The following DPYSL3 variants were observed in gnomAD, a reference collection of about 807,000 sequenced individuals.
DPYSL3 encodes dihydropyrimidinase-related protein 3.
DPYSL3 carries 16 observed loss-of-function variants against 66.1 expected under a neutral mutation model. The observed-to-expected ratio is 0.24, with a 90% confidence interval of 0.16 to 0.37. The LOEUF (loss-of-function observed/expected upper bound fraction) is 0.37, where lower values mean the gene tolerates loss of function less well. Ranked by LOEUF, DPYSL3 falls within the 10% of genes least tolerant of loss-of-function variation. The pLI is 1.00. For synonymous variants in DPYSL3, 338 were observed against 345.1 expected (o/e 0.98, Z 0.23); for missense variants, 738 against 916.2 (o/e 0.81, Z 2.51).
intron 1 of DPYSL3, among the ~76,000 whole-genome samples, chr5:147,502,831 C>T (rs1406783859): frequency 6.6e-6 from 1 of 152,168 alleles, no homozygotes; most frequent in Admixed American, 6.5e-5. Context: ...CCGCCTTGCC[C>T]TCCCAAAGTG....
chr5:147,469,266 C>T (rs1430330891), intron 1 of DPYSL3, among the ~76,000 whole-genome samples: 1 of 152,230 alleles, frequency 6.6e-6, no homozygotes, highest in African/African-American at 2.4e-5. Context: ...CCTTGCTTTC[C>T]TCTCTACTTG....
At chr5:147,421,744 A>T (rs191458006) in intron 2 of DPYSL3, among the ~76,000 whole-genome samples, 1 of 152,196 alleles carries the variant, frequency 6.6e-6, no homozygotes, top group Non-Finnish European at 1.5e-5. Flanking sequence ...AACCCGACAA[A>T]AGTAAGCAAC....
chr5:147,446,339 C>T (rs756973044), intron 1 of DPYSL3, among the ~76,000 whole-genome samples: 2 of 152,182 alleles, frequency 1.3e-5, no homozygotes, highest in African/African-American at 2.4e-5. Context: ...TTCCTTATTC[C>T]GCATCCAAGA....
intron 6 of DPYSL3, among the ~76,000 whole-genome samples, chr5:147,410,520 T>G (rs1420113822): frequency 6.6e-6 from 1 of 152,134 alleles, no homozygotes; most frequent in East Asian, 1.9e-4. Context: ...CAGCTACAGT[T>G]ACATCACAGT....
intron 1 of DPYSL3, among the ~76,000 whole-genome samples, chr5:147,440,903 C>T (rs1268068431): frequency 6.6e-6 from 1 of 152,088 alleles, no homozygotes; most frequent in Non-Finnish European, 1.5e-5. Context: ...TTAGTTCTGC[C>T]AGTTAGTTAA....
chr5:147,503,014 C>T (rs971179719), intron 1 of DPYSL3, among the ~76,000 whole-genome samples: 1 of 152,200 alleles, frequency 6.6e-6, no homozygotes, highest in African/African-American at 2.4e-5. Flanking sequence ...CTAACCAGCA[C>T]CTGGTCTGTA....
intron 1 of DPYSL3, among the ~76,000 whole-genome samples, chr5:147,507,656 T>C (rs1753701480): frequency 6.6e-6 from 1 of 152,156 alleles, no homozygotes; most frequent in Non-Finnish European, 1.5e-5. Flanking sequence ...GATAATAACA[T>C]GGCCTGGATG....
In DPYSL3 at chr5:147,412,523, T is replaced by C. The variant is rs77539069; in HGVS notation, c.963+85A>G. 5,427 of 1,354,364 alleles carry C rather than the reference T, an allele frequency of 4.0e-3. 171 individuals carry two copies. The African/African-American group carries it at 0.069, about 17-fold the overall frequency. The allele number at this position is 1,354,364 out of a possible 1,614,324, so 83.9% of individuals were successfully genotyped here. A position where few individuals can be genotyped will look rare whatever the true frequency, so the allele number is the denominator to read the frequency against. On this transcript the variant is annotated intron_variant, in intron 6 of 13. Coordinates refer to ENST00000343218, the MANE Select transcript of DPYSL3 (RefSeq NM_001197294.2). ...TACTTATGATGGTGCCTTGCACATATTGAGAGCTCAAGCAGCACTGAAGAA... is the reference window on the plus strand; with the variant it reads ...TACTTATGATGGTGCCTTGCACATACTGAGAGCTCAAGCAGCACTGAAGAA...
chr5:147,467,778 A>G (rs1323065404), intron 1 of DPYSL3, among the ~76,000 whole-genome samples: 1 of 152,208 alleles, frequency 6.6e-6, no homozygotes, highest in Non-Finnish European at 1.5e-5. Flanking sequence ...AAAATATCTT[A>G]GACTGCGTAA....
chr5:147,460,895 G>A (rs889010401), intron 1 of DPYSL3, among the ~76,000 whole-genome samples: 2 of 152,182 alleles, frequency 1.3e-5, no homozygotes, highest in Non-Finnish European at 1.5e-5. Context: ...TCCCACACAA[G>A]TACCAATAGG....
At chr5:147,466,975 C>A (rs543274383) in intron 1 of DPYSL3, among the ~76,000 whole-genome samples, 42 of 152,214 alleles carry the variant, frequency 2.8e-4, no homozygotes, top group African/African-American at 9.9e-4. Context: ...GGAGTGTCAA[C>A]AAATGAGTAC....
chr5:147,453,354 C>T (rs1752774285), intron 1 of DPYSL3, among the ~76,000 whole-genome samples: 1 of 152,146 alleles, frequency 6.6e-6, no homozygotes, highest in Non-Finnish European at 1.5e-5. Flanking sequence ...GTTTTGTTTT[C>T]CCCAAACCCC....
intron 1 of DPYSL3, chr5:147,472,909 A>T (rs534263709): frequency 1.3e-5 from 2 of 152,172 alleles, no homozygotes; most frequent in African/African-American, 4.8e-5. Context: ...AATGAAATGC[A>T]TCTGAAGCTC....
chr5:147,465,780 T>C (rs1360025633), intron 1 of DPYSL3, among the ~76,000 whole-genome samples: 1 of 152,230 alleles, frequency 6.6e-6, no homozygotes, highest in African/African-American at 2.4e-5. Context: ...GTTATCCCAG[T>C]ATCATGCCTG....
chr5:147,486,359 T>C (rs1753329012), intron 1 of DPYSL3, among the ~76,000 whole-genome samples: 2 of 152,226 alleles, frequency 1.3e-5, no homozygotes, highest in Admixed American at 6.5e-5. Context: ...TGGCATATAA[T>C]AAATGCTCAA....
Position 147,492,081 on chromosome 5 carries a change from A to G in DPYSL3, c.381+17397T>C, listed in dbSNP as rs549222001. 1.2e-4 allele frequency among the ~76,000 whole-genome samples: 19 copies of G among 152,278 alleles called. 1 individual carries two copies. In the South Asian group the frequency reaches 3.7e-3, roughly 30 times the overall value. On this transcript the variant is annotated intron_variant, in intron 1 of 13. Coordinates refer to ENST00000343218, the MANE Select transcript of DPYSL3 (RefSeq NM_001197294.2). ...GAAATACCTTCCCTATAGCAAAGCA[A>G]ACATGAAAATTTCATTCAACTTGTC...
intron 1 of DPYSL3, among the ~76,000 whole-genome samples, chr5:147,478,714 AG>A (rs768016589): frequency 7.2e-5 from 11 of 152,138 alleles, no homozygotes; most frequent in Non-Finnish European, 1.6e-4. Flanking sequence ...ATATTTTGCC[AG>A]GCTATCTCAA....
In DPYSL3 at chr5:147,473,428, C is replaced by T. The variant is rs1753112206; in HGVS notation, c.381+36050G>A. The T allele has an allele frequency of 2.0e-5, 3 of 152,210 alleles. No individual in the cohort carries two copies. The South Asian group carries it at 6.2e-4, about 32-fold the overall frequency. 9.4% of individuals were successfully genotyped at this position (152,210 alleles called of 1,614,324 possible). On this transcript the variant is annotated intron_variant, in intron 1 of 13. Transcript: ENST00000343218. ...TTTCTCAATAAGCTGACATTAAAGT[C>T]CCATCTTTGCTTCCATTACAACACT...
At chr5:147,402,341 C>CTTTT (rs11438535) in intron 8 of DPYSL3, among the ~76,000 whole-genome samples, 75 of 135,000 alleles carry the variant, frequency 5.6e-4, no homozygotes, top group East Asian at 4.5e-3. Flanking sequence ...ACTCTCATGA[C>CTTTT]TTTTTTTTTT....
Sources: allele counts gnomAD v4.1 joint callset (sites outside exome capture counted in the v4.1 genomes callset), GRCh38; gene constraint gnomAD v4.1.1; transcripts MANE v1.5; gene names NCBI Gene and HGNC (gene_info 2026-07-23, HGNC 2026-07-21).